LOXHD1: variants seen among roughly 807,000 people sequenced by gnomAD.
LOXHD1 encodes the protein lipoxygenase homology domain-containing protein 1.
LOXHD1 carries 205 observed loss-of-function variants against 248.2 expected under a neutral mutation model. The ratio of observed to expected loss-of-function variants is 0.83; its 90% CI spans 0.74 to 0.93. The LOEUF (loss-of-function observed/expected upper bound fraction) is 0.93. LOXHD1 is among the 40% of genes least tolerant of loss of function. LOXHD1 has a pLI of 0.00. For missense variants in LOXHD1, 2,930 were observed against 2,971.6 expected (o/e 0.99, Z 0.33); for synonymous variants, 1,113 against 1,162.8 (o/e 0.96, Z 0.87).
At chr18:46,569,957 T>C (rs1824683) in intron 15 of LOXHD1, among the ~76,000 whole-genome samples, 41,328 of 152,140 alleles carry the variant, frequency 0.27, 6,494 homozygotes, top group African/African-American at 0.43. Context: ...CTGAAAGGAT[T>C]TCCCACAATC....
Position 46,601,460 on chromosome 18 carries a change from C to T in LOXHD1, c.891G>A (p.Thr297=), listed in dbSNP as rs1323674599. The T allele has an allele frequency of 1.9e-6, 3 of 1,551,722 alleles. No homozygotes were observed. The highest frequency in any genetic ancestry group is 1.4e-5 in the African/African-American group (1 of 73,126). ...LVGGAETTAI[T]YIVTVFTGDV... ...CCCCAGTGAAGACGGTGACAATATA[C>T]GTAATAGCTGGTGTGGAAACAACAG... is the stretch of plus-strand genomic sequence containing the variant. The change falls in exon 8 of 41, where the codon ACG becomes ACA. Residue 297 remains threonine (T), a synonymous_variant. Coordinates refer to ENST00000642948, the MANE Select transcript of LOXHD1 (RefSeq NM_001384474.1).
chr18:46,559,023 C>G (rs958879861), intron 20 of LOXHD1: 54 of 697,002 alleles, frequency 7.7e-5, no homozygotes, highest in Admixed American at 9.5e-5. Flanking sequence ...GTGGTTCCAT[C>G]TTCTGAGAAC....
chr18:46,478,252 T>A (rs72909360), intron 40 of LOXHD1, among the ~76,000 whole-genome samples: 168 of 152,202 alleles, frequency 1.1e-3, no homozygotes, highest in Non-Finnish European at 2.1e-3. Context: ...TTTCTCACCA[T>A]CTTGGCCAGG....
At chr18:46,544,199 A>G (rs1255484878) in intron 23 of LOXHD1, among the ~76,000 whole-genome samples, 1 of 152,236 alleles carries the variant, frequency 6.6e-6, no homozygotes, top group East Asian at 1.9e-4. Context: ...ACCTTGGTCC[A>G]GTGCCTAGCT....
At chr18:46,529,383 G>C in intron 28 of LOXHD1, 52 bp from the exon 29 acceptor site, 1 of 1,498,188 alleles carries the variant, frequency 6.7e-7, no homozygotes, top group Non-Finnish European at 9.0e-7. Flanking sequence ...AAGGGTGACA[G>C]CGCTTTAGGT....
At chr18:46,622,741 C>T (rs1968946802) in intron 4 of LOXHD1, among the ~76,000 whole-genome samples, 1 of 152,228 alleles carries the variant, frequency 6.6e-6, no homozygotes, top group Admixed American at 6.5e-5. Context: ...GCAGGGCCAA[C>T]TTTCCCTGCC....
At chr18:46,484,909 G>C in intron 39 of LOXHD1, 110 bp downstream of exon 39, 1 of 1,324,260 alleles carries the variant, frequency 7.6e-7, no homozygotes, top group Non-Finnish European at 1.0e-6. Context: ...GTAAGTACTT[G>C]CTGGTTAGGC....
At chr18:46,639,539 A>G in intron 4 of LOXHD1, 77 bp downstream of exon 4, 1 of 1,484,926 alleles carries the variant, frequency 6.7e-7, no homozygotes, top group Non-Finnish European at 9.0e-7. Context: ...GCCCAGAGCA[A>G]GACAGGCACG....
At chr18:46,559,998 C>T in intron 19 of LOXHD1, 85 bp downstream of exon 19, 2 of 1,437,530 alleles carry the variant, frequency 1.4e-6, no homozygotes, top group African/African-American at 1.4e-5. Context: ...TGAGGGGGAT[C>T]TAGGCCCCCT....
intron 12 of LOXHD1, among the ~76,000 whole-genome samples, chr18:46,586,532 G>A (rs180756080): frequency 2.6e-4 from 39 of 152,282 alleles, no homozygotes; most frequent in Non-Finnish European, 4.0e-4. Context: ...TGCAATCTCC[G>A]CCTCCTGGGT....
At chr18:46,600,480 C>T (rs1238366026) in intron 8 of LOXHD1, among the ~76,000 whole-genome samples, 1 of 152,028 alleles carries the variant, frequency 6.6e-6, no homozygotes, top group Non-Finnish European at 1.5e-5. Flanking sequence ...TGCCTGTAAT[C>T]CCAGCTACTT....
chr18:46,639,858 C>T (rs867944249), intron 3 of LOXHD1, 58 bp from the exon 4 acceptor site: 1 of 1,536,564 alleles, frequency 6.5e-7, no homozygotes, highest in Non-Finnish European at 8.8e-7. Context: ...GCACCCCTTC[C>T]ATACTGGAAT....
At chr18:46,486,561 A>G (rs767240047) in intron 38 of LOXHD1, among the ~76,000 whole-genome samples, 2 of 152,202 alleles carry the variant, frequency 1.3e-5, no homozygotes, top group African/African-American at 2.4e-5. Flanking sequence ...ACCCAAAGCC[A>G]TCCCAGCAAG....
chr18:46,610,785 G>A lies in LOXHD1; in HGVS notation c.750C>T (p.Phe250=). 1.9e-6 allele frequency: 3 copies of A among 1,551,162 alleles called. No individual in the cohort carries two copies. The highest frequency in any genetic ancestry group is 1.7e-6 in the Non-Finnish European group (2 of 1,146,752). The change falls in exon 6 of 41, where the codon TTC becomes TTT. Residue 250 remains phenylalanine, a synonymous_variant. Transcript: ENST00000642948. ...HNNKGGSAGW[F]LSQIVIEDIG... is the part of the protein sequence containing the mutation. ...AAGCAGCTGAACTCACCTGGGACAG[G>A]AACCAACCTGCAGAGCCCCCCTTAT...
chr18:46,611,781 A>C (rs1257949912), intron 5 of LOXHD1, among the ~76,000 whole-genome samples: 2 of 152,194 alleles, frequency 1.3e-5, no homozygotes, highest in African/African-American at 4.8e-5. Flanking sequence ...AAGGATGTAA[A>C]ACATGACAGA....
chr18:46,650,884 C>T (rs575897170), intron 1 of LOXHD1, among the ~76,000 whole-genome samples: 1 of 152,252 alleles, frequency 6.6e-6, no homozygotes. Context: ...CCACTTTGAG[C>T]AAGGTGACCC....
intron 4 of LOXHD1, among the ~76,000 whole-genome samples, chr18:46,629,807 AG>A (rs146098335): frequency 6.7e-6 from 1 of 150,344 alleles, no homozygotes; most frequent in Admixed American, 6.6e-5. Flanking sequence ...AAAAAAAAAA[AG>A]AAAAAAAGAA....
intron 37 of LOXHD1, 40 bp downstream of exon 37, chr18:46,505,798 G>A (rs1041832681): frequency 6.5e-7 from 1 of 1,548,474 alleles, no homozygotes; most frequent in African/African-American, 1.4e-5. Flanking sequence ...AGGGAGCTGA[G>A]GGCTGCCCTC....
intron 2 of LOXHD1, among the ~76,000 whole-genome samples, chr18:46,642,348 G>A (rs1213570595): frequency 6.6e-6 from 1 of 152,204 alleles, no homozygotes; most frequent in African/African-American, 2.4e-5. Context: ...ACCAGAACCT[G>A]GCTCTCCCAG....
Sources: gnomAD v4.1 joint callset for allele counts (sites outside exome capture counted in the v4.1 genomes callset) on GRCh38, gnomAD v4.1.1 for gene constraint, MANE v1.5 for transcripts, NCBI Gene and HGNC (gene_info 2026-07-23, HGNC 2026-07-21) for gene names.